The following ENTREP2 variants were observed in gnomAD, a reference collection of about 807,000 sequenced individuals.
ENTREP2 encodes endosomal transmembrane epsin interactor 2, also known as protein ENTREP2.
At chr15:29,249,530 A>G in the ENTREP2 span, among the ~76,000 whole-genome samples, 2 of 152,176 alleles carry the variant, frequency 1.3e-5, no homozygotes, top group African/African-American at 2.4e-5. Flanking sequence ...TTGAATTTCT[A>G]TAGTAAATGT....
the ENTREP2 span, among the ~76,000 whole-genome samples, chr15:29,590,410 C>T: frequency 1.3e-5 from 2 of 152,158 alleles, no homozygotes; most frequent in South Asian, 2.1e-4. Context: ...AGGCCAGGCG[C>T]GGTGGCTCAC....
At chr15:29,179,129 C>G in the ENTREP2 span, among the ~76,000 whole-genome samples, 1 of 152,144 alleles carries the variant, frequency 6.6e-6, no homozygotes, top group Admixed American at 6.5e-5. Context: ...TTGAATTTAC[C>G]CACAAACTTT....
the ENTREP2 span, among the ~76,000 whole-genome samples, chr15:29,517,054 T>A: frequency 6.7e-6 from 1 of 150,082 alleles, no homozygotes; most frequent in Non-Finnish European, 1.5e-5. Flanking sequence ...ATGGCCTTAG[T>A]AAAGGCAGCA....
At chr15:29,125,893 G>A in the ENTREP2 span, among the ~76,000 whole-genome samples, 124 of 152,334 alleles carry the variant, frequency 8.1e-4, no homozygotes, top group Non-Finnish European at 1.5e-3. Flanking sequence ...CTGTGTCTGC[G>A]TGGGGCGGCT....
chr15:29,446,966 TC>T, the ENTREP2 span, among the ~76,000 whole-genome samples: 1 of 152,184 alleles, frequency 6.6e-6, no homozygotes, highest in Non-Finnish European at 1.5e-5. Context: ...CAGGATTACA[TC>T]CCTTTTCGAG....
chr15:29,624,867 TAATTTGTG>T, the ENTREP2 span, among the ~76,000 whole-genome samples: 15 of 137,670 alleles, frequency 1.1e-4, no homozygotes, highest in African/African-American at 4.5e-4. Context: ...TACCCTGCAT[TAATTTGTG>T]TGTGTGTGTG....
At chr15:29,125,800 GAC>G in the ENTREP2 span, among the ~76,000 whole-genome samples, 3 of 152,242 alleles carry the variant, frequency 2.0e-5, no homozygotes, top group African/African-American at 7.2e-5. Flanking sequence ...ACTGCCCGCA[GAC>G]ACAGTCGCAT....
chr15:29,204,549 A>G, the ENTREP2 span, among the ~76,000 whole-genome samples: 1 of 152,110 alleles, frequency 6.6e-6, no homozygotes, highest in African/African-American at 2.4e-5. Context: ...AGCACGGGTG[A>G]CAGAGTCAGA....
chr15:29,533,173 G>C, the ENTREP2 span, among the ~76,000 whole-genome samples: 6 of 152,184 alleles, frequency 3.9e-5, no homozygotes, highest in Admixed American at 1.3e-4. Context: ...TGCCCAGCCA[G>C]GAAGCACCCG....
chr15:29,131,367 C>T, the ENTREP2 span, among the ~76,000 whole-genome samples: 2 of 151,958 alleles, frequency 1.3e-5, no homozygotes, highest in South Asian at 2.1e-4. Flanking sequence ...CACTCAGGTT[C>T]CCTTCCACCT....
the ENTREP2 span, among the ~76,000 whole-genome samples, chr15:29,429,423 G>C: frequency 6.6e-6 from 1 of 152,146 alleles, no homozygotes; most frequent in East Asian, 1.9e-4. Flanking sequence ...GACTCACTAC[G>C]TTCCCAGGGC....
At chr15:29,296,570 AG>A in the ENTREP2 span, among the ~76,000 whole-genome samples, 2 of 152,378 alleles carry the variant, frequency 1.3e-5, no homozygotes, top group Admixed American at 6.5e-5. Flanking sequence ...GAAACTCTAC[AG>A]AAAATCATAA....
the ENTREP2 span, among the ~76,000 whole-genome samples, chr15:29,499,020 C>A: frequency 1.2e-4 from 18 of 152,194 alleles, no homozygotes; most frequent in East Asian, 2.1e-3. Flanking sequence ...CCTTCACATT[C>A]GGTTTATGTA....
At chr15:29,279,394 C>T in the ENTREP2 span, among the ~76,000 whole-genome samples, 1 of 151,422 alleles carries the variant, frequency 6.6e-6, no homozygotes, top group Non-Finnish European at 1.5e-5. Context: ...GAGATGGAGC[C>T]TGGCTGTGTC....
At chr15:29,254,097 G>A in the ENTREP2 span, among the ~76,000 whole-genome samples, 1 of 122,488 alleles carries the variant, frequency 8.2e-6, no homozygotes. Flanking sequence ...TTGTGATGGA[G>A]AATAACCTTT....
the ENTREP2 span, among the ~76,000 whole-genome samples, chr15:29,595,164 A>T: frequency 6.6e-6 from 1 of 151,622 alleles, no homozygotes; most frequent in Non-Finnish European, 1.5e-5. Context: ...GAGGCAGGAG[A>T]ATCTCTTGAA....
At chr15:29,373,690 A>G in the ENTREP2 span, 1 of 151,960 alleles carries the variant, frequency 6.6e-6, no homozygotes, top group Non-Finnish European at 1.5e-5. Flanking sequence ...TTGTAGACAA[A>G]TAAGAATCAT....
At chr15:29,497,497 C>G in the ENTREP2 span, among the ~76,000 whole-genome samples, 2 of 152,094 alleles carry the variant, frequency 1.3e-5, no homozygotes, top group African/African-American at 4.8e-5. Flanking sequence ...TCCAAGACTT[C>G]TTTTTCTTCA....
the ENTREP2 span, among the ~76,000 whole-genome samples, chr15:29,669,007 G>A: frequency 3.3e-5 from 5 of 151,920 alleles, no homozygotes; most frequent in Non-Finnish European, 4.4e-5. Flanking sequence ...CTCTTCTCCC[G>A]CTCCCATAAC....
Sources: allele counts gnomAD v4.1 joint callset (sites outside exome capture counted in the v4.1 genomes callset), GRCh38; gene constraint gnomAD v4.1.1; transcripts MANE v1.5; gene names NCBI Gene and HGNC (gene_info 2026-07-23, HGNC 2026-07-21).